The following PXDNL variants were observed in gnomAD, a reference collection of about 807,000 sequenced individuals.
The protein encoded by PXDNL is probable oxidoreductase PXDNL.
A neutral mutation model predicts 150.8 loss-of-function variants in PXDNL; 145 were observed. That is an observed-to-expected ratio of 0.96 (90% CI 0.84 to 1.10). PXDNL has a LOEUF of 1.10. Among genes scored for constraint, PXDNL ranks in the 50% least tolerant of loss-of-function variants. PXDNL has a pLI of 0.00. For missense variants in PXDNL, 2,087 were observed against 1,873.9 expected (o/e 1.11, Z -2.10); for synonymous variants, 757 against 725.7 (o/e 1.04, Z -0.69).
At chr8:51,780,977 A>G (rs1267209404) in intron 1 of PXDNL, among the ~76,000 whole-genome samples, 2 of 152,022 alleles carry the variant, frequency 1.3e-5, no homozygotes, top group African/African-American at 4.8e-5. Context: ...CCTCTTTCAT[A>G]GAACACCAAC....
At chr8:51,771,755 A>AG (rs1197378258) in intron 1 of PXDNL, among the ~76,000 whole-genome samples, 1 of 152,168 alleles carries the variant, frequency 6.6e-6, no homozygotes, top group Non-Finnish European at 1.5e-5. Context: ...ACAGAGAGAA[A>AG]GAGACAGGGC....
At chr8:51,575,526 C>T (rs185098437) in intron 3 of PXDNL, among the ~76,000 whole-genome samples, 2 of 152,074 alleles carry the variant, frequency 1.3e-5, no homozygotes, top group Admixed American at 1.3e-4. Flanking sequence ...ACCAGCTTGG[C>T]CAATATGGTG....
chr8:51,693,110 T>C (rs2098599244), intron 1 of PXDNL, among the ~76,000 whole-genome samples: 1 of 152,218 alleles, frequency 6.6e-6, no homozygotes. Flanking sequence ...TACTCAGTGA[T>C]CCTAATACAC....
intron 19 of PXDNL, among the ~76,000 whole-genome samples, chr8:51,360,183 G>A (rs569915008): frequency 1.6e-4 from 24 of 151,954 alleles, no homozygotes; most frequent in South Asian, 6.2e-4. Flanking sequence ...AACCATTCAC[G>A]TATACACTTT....
At chr8:51,704,074 T>C (rs761631332) in intron 1 of PXDNL, among the ~76,000 whole-genome samples, 11 of 152,216 alleles carry the variant, frequency 7.2e-5, no homozygotes, top group Non-Finnish European at 1.5e-4. Context: ...TGAAGTCCCA[T>C]GTATGTGCCC....
At chr8:51,608,728 TCG>T (rs1585618310) in intron 2 of PXDNL, among the ~76,000 whole-genome samples, 1 of 145,876 alleles carries the variant, frequency 6.9e-6, no homozygotes, top group Non-Finnish European at 1.5e-5. Context: ...TCCCAGCTGC[TCG>T]GGAGGCTGAG....
At chr8:51,381,638 A>C (rs1807548816) in intron 17 of PXDNL, among the ~76,000 whole-genome samples, 1 of 144,630 alleles carries the variant, frequency 6.9e-6, no homozygotes, top group Non-Finnish European at 1.5e-5. Context: ...TTATTTATTT[A>C]TTTATTTATT....
At chr8:51,387,992 GTTAA>G (rs1807773746) in intron 17 of PXDNL, among the ~76,000 whole-genome samples, 1 of 152,040 alleles carries the variant, frequency 6.6e-6, no homozygotes, top group African/African-American at 2.4e-5. Context: ...TGACTTCAGG[GTTAA>G]CATTACAGAT....
At chr8:51,501,851 G>A (rs972231543) in intron 4 of PXDNL, among the ~76,000 whole-genome samples, 3 of 152,250 alleles carry the variant, frequency 2.0e-5, no homozygotes, top group African/African-American at 7.2e-5. Context: ...GAGACTGGCT[G>A]CTGAAAGCAG....
At chr8:51,402,239 C>T (rs758119533) in intron 17 of PXDNL, among the ~76,000 whole-genome samples, 1 of 152,022 alleles carries the variant, frequency 6.6e-6, no homozygotes, top group Admixed American at 6.6e-5. Context: ...TTTTAAGGAG[C>T]GGAGGCAGGG....
At chr8:51,625,710 T>C (rs997451331) in intron 2 of PXDNL, among the ~76,000 whole-genome samples, 7 of 152,164 alleles carry the variant, frequency 4.6e-5, no homozygotes, top group African/African-American at 1.7e-4. Context: ...ACGTAGAAAG[T>C]TATAGTCACA....
chr8:51,381,666 A>C (rs1807551532), intron 17 of PXDNL, among the ~76,000 whole-genome samples: 1 of 105,492 alleles, frequency 9.5e-6, no homozygotes, highest in South Asian at 3.4e-4. Context: ...TTATTTATTT[A>C]TTTTTGAGAC....
intron 8 of PXDNL, among the ~76,000 whole-genome samples, chr8:51,463,243 C>G (rs1309297486): frequency 6.6e-6 from 1 of 152,118 alleles, no homozygotes; most frequent in African/African-American, 2.4e-5. Context: ...TACCAAACAA[C>G]AAGCTAAACA....
At chr8:51,544,095 G>T (rs534772016) in intron 4 of PXDNL, among the ~76,000 whole-genome samples, 10 of 152,324 alleles carry the variant, frequency 6.6e-5, no homozygotes, top group African/African-American at 2.4e-4. Flanking sequence ...CAGCTAACAG[G>T]ATGTGTATGT....
chr8:51,530,834 C>T (rs1194854235), intron 4 of PXDNL, among the ~76,000 whole-genome samples: 1 of 152,212 alleles, frequency 6.6e-6, no homozygotes, highest in Non-Finnish European at 1.5e-5. Flanking sequence ...TCTGCTGCTG[C>T]ACATATTAAT....
chr8:51,345,979 A>ACATGATGCTAT, intron 19 of PXDNL, 32 bp from the exon 20 acceptor site: 4 of 1,276,854 alleles, frequency 3.1e-6, no homozygotes, highest in Non-Finnish European at 4.6e-6. Context: ...CAATAGCATC[A>ACATGATGCTAT]TGTGAGATGC....
chr8:51,591,795 A>G (rs1458488214), intron 3 of PXDNL, among the ~76,000 whole-genome samples: 3 of 151,722 alleles, frequency 2.0e-5, no homozygotes, highest in South Asian at 4.2e-4. Flanking sequence ...ATTTTTTTGT[A>G]TTTTTGTAGA....
At chr8:51,692,437 A>G (rs981591855) in intron 1 of PXDNL, among the ~76,000 whole-genome samples, 1 of 152,242 alleles carries the variant, frequency 6.6e-6, no homozygotes, top group South Asian at 2.1e-4. Flanking sequence ...TAAAGGAAAC[A>G]GAAAAATTAA....
intron 4 of PXDNL, among the ~76,000 whole-genome samples, chr8:51,553,486 C>T (rs1812534601): frequency 1.3e-5 from 2 of 152,144 alleles, no homozygotes; most frequent in Non-Finnish European, 2.9e-5. Flanking sequence ...AAACTACGGA[C>T]TCTGTAAGTA....
Sources: gnomAD v4.1 joint callset for allele counts (sites outside exome capture counted in the v4.1 genomes callset) on GRCh38, gnomAD v4.1.1 for gene constraint, MANE v1.5 for transcripts, NCBI Gene and HGNC (gene_info 2026-07-23, HGNC 2026-07-21) for gene names.